Variants in CCDC60 observed in about 807,000 individuals in gnomAD.
CCDC60 encodes coiled-coil domain containing 60, also known as coiled-coil domain-containing protein 60.
A neutral mutation model predicts 63.5 loss-of-function variants in CCDC60; 54 were observed. The observed-to-expected ratio is 0.85, with a 90% CI of 0.68 to 1.07. CCDC60 has a LOEUF of 1.07. CCDC60 is among the 50% of genes least tolerant of loss of function. The probability of loss-of-function intolerance (pLI) is 0.00; values close to 1 mark genes in which losing one functional copy is unlikely to be tolerated. For missense variants in CCDC60, 651 were observed against 684.3 expected, an observed-to-expected ratio of 0.95 and a Z score of 0.54; for synonymous variants, 206 against 238.8, an observed-to-expected ratio of 0.86 and a Z score of 1.27.
chr12:119,398,963 G>A (rs925472970), intron 1 of CCDC60, among the ~76,000 whole-genome samples: 9 of 152,188 alleles, frequency 5.9e-5, no homozygotes, highest in Non-Finnish European at 1.2e-4. Context: ...TATTATGAAT[G>A]TCTCCTTTTT....
intron 1 of CCDC60, among the ~76,000 whole-genome samples, chr12:119,428,404 ATTC>A (rs1239984902): frequency 1.3e-5 from 2 of 152,168 alleles, no homozygotes; most frequent in African/African-American, 4.8e-5. Context: ...TGAGGCCCAA[ATTC>A]TTCAGAGAGG....
At chr12:119,525,429 T>C (rs549091640) in intron 11 of CCDC60, among the ~76,000 whole-genome samples, 2 of 152,246 alleles carry the variant, frequency 1.3e-5, no homozygotes, top group South Asian at 4.1e-4. Flanking sequence ...GGGATCCCCA[T>C]GTGGCTAACA....
At chr12:119,411,731 T>G (rs1956605227) in intron 1 of CCDC60, among the ~76,000 whole-genome samples, 1 of 152,030 alleles carries the variant, frequency 6.6e-6, no homozygotes, top group East Asian at 1.9e-4. Flanking sequence ...GGAAAGAAAG[T>G]CAGAGAGACC....
Position 119,359,083 on chromosome 12 carries a change from T to C in CCDC60, c.90+23817T>C, listed in dbSNP as rs75429161. ...AGCAGTGAAGGAAATTTCCAGTTGC[T>C]CCACATCCTCAACAATCTTGGTATT... On this transcript the variant is annotated intron_variant, in intron 1 of 13. Transcript: ENST00000327554. 8.1e-3 allele frequency among the ~76,000 whole-genome samples: 1,228 copies of C among 152,346 alleles called. 15 individuals are homozygous for C. Among genetic ancestry groups the C allele is most frequent in the African/African-American group, 0.028 (1,170 of 41,564 alleles).
At chr12:119,489,594 G>A (rs1425616305) in intron 5 of CCDC60, among the ~76,000 whole-genome samples, 1 of 152,232 alleles carries the variant, frequency 6.6e-6, no homozygotes, top group African/African-American at 2.4e-5. Context: ...AGACAGGCAT[G>A]TAAAGGCATT....
chr12:119,365,002 G>C (rs1207472506), intron 1 of CCDC60, among the ~76,000 whole-genome samples: 1 of 104,700 alleles, frequency 9.6e-6, no homozygotes, highest in Admixed American at 9.8e-5. Context: ...GTACATCACC[G>C]AGCATCTACA....
chr12:119,344,055 C>G (rs1265682952), intron 1 of CCDC60, among the ~76,000 whole-genome samples: 2 of 152,064 alleles, frequency 1.3e-5, no homozygotes, highest in Non-Finnish European at 2.9e-5. Context: ...TTGGAAATAT[C>G]TAGTGTGTTA....
At chr12:119,508,631 A>G (rs1952122673) in intron 7 of CCDC60, among the ~76,000 whole-genome samples, 1 of 152,176 alleles carries the variant, frequency 6.6e-6, no homozygotes. Context: ...CTCAGGTCTG[A>G]TGTTTGAACT....
intron 1 of CCDC60, among the ~76,000 whole-genome samples, chr12:119,386,514 A>C (rs1248514257): frequency 6.6e-6 from 1 of 151,550 alleles, no homozygotes; most frequent in Non-Finnish European, 1.5e-5. Context: ...AAAAAAAAAA[A>C]AGCAACCAGT....
intron 2 of CCDC60, among the ~76,000 whole-genome samples, chr12:119,462,008 C>T (rs1055117047): frequency 3.9e-5 from 6 of 152,180 alleles, no homozygotes; most frequent in Non-Finnish European, 7.3e-5. Flanking sequence ...GACATGAAGG[C>T]CCAGACCCTC....
At chr12:119,468,457 T>C (rs571253877) in intron 2 of CCDC60, among the ~76,000 whole-genome samples, 3 of 152,344 alleles carry the variant, frequency 2.0e-5, no homozygotes, top group African/African-American at 4.8e-5. Context: ...GCTGAGCAGA[T>C]ATGACTGATC....
Position 119,519,225 on chromosome 12 carries a change from C to T in CCDC60, c.969-896C>T, listed in dbSNP as rs1419768062. Among the ~76,000 whole-genome samples, 3 of 152,218 alleles carry T rather than the reference C, an allele frequency of 2.0e-5. No homozygotes were observed. The South Asian group carries it at 6.2e-4, about 32-fold the overall frequency. On this transcript the variant is annotated intron_variant, in intron 8 of 13. Transcript: ENST00000327554. ...ATCCCTACAAGCCAGCACATCCAGCCCCCAGCCTCAAGGCCGGGCTGCCCC... is the reference window on the plus strand; with the variant it reads ...ATCCCTACAAGCCAGCACATCCAGCTCCCAGCCTCAAGGCCGGGCTGCCCC...
intron 2 of CCDC60, among the ~76,000 whole-genome samples, chr12:119,444,527 G>A (rs943778047): frequency 9.2e-5 from 14 of 152,214 alleles, no homozygotes; most frequent in Admixed American, 5.9e-4. Context: ...TTCATGGGAA[G>A]TCTAGAGTCT....
intron 1 of CCDC60, among the ~76,000 whole-genome samples, chr12:119,347,698 G>A (rs924738814): frequency 1.3e-5 from 2 of 152,166 alleles, no homozygotes; most frequent in African/African-American, 4.8e-5. Flanking sequence ...CATGCTGGGT[G>A]CTCCATATAT....
intron 1 of CCDC60, among the ~76,000 whole-genome samples, chr12:119,365,377 A>G (rs1955830824): frequency 6.6e-6 from 1 of 152,254 alleles, no homozygotes. Context: ...ATCCTTTAGC[A>G]TATTGTCTGT....
At chr12:119,357,018 T>C (rs1218867395) in intron 1 of CCDC60, among the ~76,000 whole-genome samples, 1 of 152,222 alleles carries the variant, frequency 6.6e-6, no homozygotes, top group Non-Finnish European at 1.5e-5. Context: ...ATACAGACCA[T>C]TACCAGTGCT....
chr12:119,492,497 T>C (rs1951614999), intron 5 of CCDC60, among the ~76,000 whole-genome samples: 1 of 152,192 alleles, frequency 6.6e-6, no homozygotes, highest in Admixed American at 6.5e-5. Flanking sequence ...ACCTTTTCAG[T>C]TATAAGAAAG....
intron 10 of CCDC60, 30 bp downstream of exon 10, chr12:119,523,031 C>G (rs369914345): frequency 6.3e-7 from 1 of 1,594,732 alleles, no homozygotes; most frequent in South Asian, 1.1e-5. Flanking sequence ...GAAGGAACCA[C>G]GCAAGAGGGA....
intron 1 of CCDC60, among the ~76,000 whole-genome samples, chr12:119,374,213 G>A (rs942378353): frequency 8.5e-5 from 13 of 152,082 alleles, no homozygotes; most frequent in African/African-American, 2.4e-4. Context: ...GGGCCTTCTC[G>A]TCCTTAGATG....
Sources: gnomAD v4.1 joint callset for allele counts (sites outside exome capture counted in the v4.1 genomes callset) on GRCh38, gnomAD v4.1.1 for gene constraint, MANE v1.5 for transcripts, NCBI Gene and HGNC (gene_info 2026-07-23, HGNC 2026-07-21) for gene names.